ATAD2B: variants seen among roughly 807,000 people sequenced by gnomAD.
The protein encoded by ATAD2B is ATPase family AAA domain containing 2B, also known as ATPase family AAA domain-containing protein 2B.
In ATAD2B, 40 loss-of-function variants were observed where a neutral mutation model predicts 167.6. The observed-to-expected ratio is 0.24, with a 90% confidence interval of 0.19 to 0.31. The LOEUF (loss-of-function observed/expected upper bound fraction) is 0.31, where lower values mean the gene tolerates loss of function less well. Among genes scored for constraint, ATAD2B ranks in the 10% least tolerant of loss-of-function variants. ATAD2B has a pLI of 1.00. For missense variants in ATAD2B, 1,242 were observed against 1,757.2 expected (o/e 0.71, Z 5.24); for synonymous variants, 579 against 596.5 (o/e 0.97, Z 0.43).
chr2:23,872,515 G>A (rs897235127), intron 8 of ATAD2B: 70 of 828,788 alleles, frequency 8.4e-5, no homozygotes, highest in Non-Finnish European at 1.3e-4. Context: ...ATTCCAAAAC[G>A]GCAGAGCTCT....
At chr2:23,701,773 G>A in the ATAD2B span, among the ~76,000 whole-genome samples, 6 of 144,118 alleles carry the variant, frequency 4.2e-5, no homozygotes, top group African/African-American at 1.6e-4. Flanking sequence ...CTTTAGCTTC[G>A]CACACATGGC....
At chr2:23,682,104 C>G in the ATAD2B span, among the ~76,000 whole-genome samples, 1 of 152,140 alleles carries the variant, frequency 6.6e-6, no homozygotes, top group African/African-American at 2.4e-5. The surrounding 1 kb of genome is among the most constrained non-coding windows in gnomAD (Gnocchi z 4.1). Flanking sequence ...TTAGTGGTCT[C>G]CATGCCTCCC....
chr2:23,899,640 G>A (rs1700561325), intron 1 of ATAD2B, among the ~76,000 whole-genome samples: 2 of 151,864 alleles, frequency 1.3e-5, no homozygotes, highest in Admixed American at 1.3e-4. Context: ...ACCCAAGCTG[G>A]AGTGCAGTGG....
intron 1 of ATAD2B, among the ~76,000 whole-genome samples, chr2:23,897,862 C>A (rs1442733711): frequency 6.6e-6 from 1 of 152,194 alleles, no homozygotes; most frequent in Non-Finnish European, 1.5e-5. Context: ...AAAAGCTGGG[C>A]ACTACGTGTG....
Position 23,926,763 on chromosome 2 carries a change from T to C in ATAD2B, c.8A>G (p.Asn3Ser). Reference protein sequence around the residue: MVNTRKSSLRLLG... With the variant: MVSTRKSSLRLLG... ...AAGGCGGAGAGAGCTCTTCCGGGTG[T>C]TCACCATGGTCCAGCCAGGGGGACG... The change falls in exon 1 of 28, where the codon AAC (asparagine) becomes AGC (serine). Residue 3 changes from asparagine to serine, a missense_variant. Coordinates refer to ENST00000238789, the MANE Select transcript of ATAD2B (RefSeq NM_017552.4). 6.5e-7 allele frequency: 1 copy of C among 1,541,828 alleles called. No individual in the cohort carries two copies. Among genetic ancestry groups the C allele is most frequent in the Non-Finnish European group, 8.7e-7 (1 of 1,143,326 alleles).
At chr2:23,718,132 C>T in the ATAD2B span, among the ~76,000 whole-genome samples, 23 of 152,138 alleles carry the variant, frequency 1.5e-4, no homozygotes, top group East Asian at 3.9e-4. Context: ...TAATGGGCTC[C>T]GAGAAAATTT....
the ATAD2B span, among the ~76,000 whole-genome samples, chr2:23,723,542 A>G: frequency 6.6e-6 from 1 of 152,132 alleles, no homozygotes; most frequent in African/African-American, 2.4e-5. Flanking sequence ...GTTTTTCAAA[A>G]GAACACATAA....
At chr2:23,799,940 C>A (rs778740522) in intron 18 of ATAD2B, 3 of 152,082 alleles carry the variant, frequency 2.0e-5, no homozygotes, top group African/African-American at 7.2e-5. Context: ...TCTGCAAACA[C>A]GTACCCTCCT....
chr2:23,840,964 T>C (rs2149804962), intron 13 of ATAD2B, among the ~76,000 whole-genome samples: 1 of 152,320 alleles, frequency 6.6e-6, no homozygotes, highest in African/African-American at 2.4e-5. Context: ...TGGAGTACAG[T>C]GGCACGATCA....
chr2:23,782,406 C>T (rs142415811), intron 22 of ATAD2B, among the ~76,000 whole-genome samples: 95 of 152,298 alleles, frequency 6.2e-4, no homozygotes, highest in African/African-American at 2.1e-3. Flanking sequence ...CACTTGAATA[C>T]AGGATGGATT....
At chr2:23,824,920 C>T (rs544822362) in intron 15 of ATAD2B, among the ~76,000 whole-genome samples, 1 of 152,144 alleles carries the variant, frequency 6.6e-6, no homozygotes, top group African/African-American at 2.4e-5. Context: ...CCTAACTAAG[C>T]TTCAACAAAC....
chr2:23,678,178 G>C, the ATAD2B span, among the ~76,000 whole-genome samples: 1 of 152,282 alleles, frequency 6.6e-6, no homozygotes, highest in Admixed American at 6.5e-5. Flanking sequence ...TCCAGCCTTG[G>C]TTCTGTTTGT....
the ATAD2B span, among the ~76,000 whole-genome samples, chr2:23,713,228 C>G: frequency 2.0e-5 from 3 of 152,390 alleles, no homozygotes; most frequent in Admixed American, 2.0e-4. Context: ...GACCCATGAG[C>G]ACTGTCTCCT....
At chr2:23,772,639 G>GA (rs1198139290) in intron 22 of ATAD2B, among the ~76,000 whole-genome samples, 4 of 147,558 alleles carry the variant, frequency 2.7e-5, no homozygotes, top group Non-Finnish European at 3.0e-5. Context: ...AATAAATGAA[G>GA]AAAAAAAATC....
intron 1 of ATAD2B, among the ~76,000 whole-genome samples, chr2:23,903,559 T>C (rs1334688066): frequency 6.6e-6 from 1 of 152,164 alleles, no homozygotes; most frequent in African/African-American, 2.4e-5. Context: ...CTACCATAAA[T>C]AGTGACTATT....
intron 17 of ATAD2B, among the ~76,000 whole-genome samples, chr2:23,815,208 A>T (rs78847248): frequency 2.1e-4 from 32 of 152,326 alleles, no homozygotes; most frequent in African/African-American, 7.7e-4. Flanking sequence ...AAGAAGGCAA[A>T]TGAGAGGAAA....
intron 13 of ATAD2B, among the ~76,000 whole-genome samples, chr2:23,850,782 C>G (rs1692452021): frequency 1.3e-5 from 2 of 152,180 alleles, no homozygotes; most frequent in African/African-American, 2.4e-5. Flanking sequence ...AAACTGCCTG[C>G]TATGAATGGA....
chr2:23,868,197 T>C (rs1450144530), intron 9 of ATAD2B, among the ~76,000 whole-genome samples: 2 of 152,204 alleles, frequency 1.3e-5, no homozygotes, highest in African/African-American at 4.8e-5. Flanking sequence ...ATCTATTCCA[T>C]TTTAGGAAAA....
chr2:23,696,009 C>T, the ATAD2B span: 1 of 1,551,688 alleles, frequency 6.4e-7, no homozygotes, highest in South Asian at 1.2e-5. This position sits in a 1 kb window ranked among gnomAD's most constrained non-coding sequence, Gnocchi z 5.5. Flanking sequence ...TGACCCAGCG[C>T]TCGCTGGTGG....
Sources: allele counts gnomAD v4.1 joint callset (sites outside exome capture counted in the v4.1 genomes callset), GRCh38; gene constraint gnomAD v4.1.1; non-coding constraint Gnocchi (gnomAD v3.1); transcripts MANE v1.5; gene names NCBI Gene and HGNC (gene_info 2026-07-23, HGNC 2026-07-21).